The following RBM47 variants were observed in gnomAD, a reference collection of about 807,000 sequenced individuals.
The protein encoded by RBM47 is RNA-binding protein 47.
A neutral mutation model predicts 47.1 loss-of-function variants in RBM47; 21 were observed. The ratio of observed to expected loss-of-function variants is 0.45; its 90% CI spans 0.32 to 0.64. RBM47 has a LOEUF of 0.64. Ranked by LOEUF, RBM47 falls within the 30% of genes least tolerant of loss-of-function variation. The pLI, the probability that RBM47 is intolerant of heterozygous loss-of-function variation, is 0.05. For synonymous variants in RBM47, 375 were observed against 361.7 expected (o/e 1.04, Z -0.42); for missense variants, 708 against 870.9 (o/e 0.81, Z 2.35).
chr4:40,438,647 A>G lies in RBM47; in HGVS notation c.247T>C (p.Tyr83His), dbSNP rs777706425. 3 of 1,612,820 alleles carry G rather than the reference A, an allele frequency of 1.9e-6. No homozygotes were observed. In the Admixed American group the frequency reaches 5.0e-5, roughly 27 times the overall value. ...AACACGGGCACCAGCTCGTCCTCGT[A>G]CACGTCGCGCGGGATCTTGCCCACG... ...VFVGKIPRDVYEDELVPVFEA... is the reference protein window; with the variant it reads ...VFVGKIPRDVHEDELVPVFEA... Residue 83 changes from tyrosine to histidine, a missense_variant, in exon 4 of 7, where the codon TAC becomes CAC. Tyr to His is a moderately conservative substitution (Grantham distance 83). Transcript: ENST00000295971.
intron 2 of RBM47, among the ~76,000 whole-genome samples, chr4:40,487,862 A>C (rs968604541): frequency 6.6e-6 from 1 of 152,176 alleles, no homozygotes; most frequent in African/African-American, 2.4e-5. Flanking sequence ...TTTATATGCT[A>C]ATGAATTTTT....
chr4:40,509,556 G>A (rs1054884930), intron 2 of RBM47, among the ~76,000 whole-genome samples: 3 of 152,140 alleles, frequency 2.0e-5, no homozygotes, highest in Non-Finnish European at 4.4e-5. Flanking sequence ...GGGCAACATA[G>A]TGAGACCCTG....
chr4:40,493,863 C>T (rs556647791), intron 2 of RBM47, among the ~76,000 whole-genome samples: 40 of 151,394 alleles, frequency 2.6e-4, no homozygotes, highest in Non-Finnish European at 3.5e-4. Flanking sequence ...TGCTTGAACC[C>T]GGGAGGCAGA....
Position 40,609,398 on chromosome 4 carries a change from C to T in RBM47, c.-240+19998G>A, listed in dbSNP as rs142657834. Among the ~76,000 whole-genome samples the T allele has an allele frequency of 8.8e-3, 1,342 of 151,644 alleles. 20 individuals carry two copies. The highest frequency in any genetic ancestry group is 0.031 in the African/African-American group (1,274 of 41,334). ...CACAATCTTGGCTCACGGTAACCTC[C>T]GCCTCCCAGGTTCAAGTGATTCTTG... On this transcript the variant is annotated intron_variant, in intron 1 of 6. Transcript: ENST00000295971.
At chr4:40,469,562 T>C (rs1420718064) in intron 2 of RBM47, among the ~76,000 whole-genome samples, 2 of 151,736 alleles carry the variant, frequency 1.3e-5, no homozygotes, top group South Asian at 2.1e-4. Flanking sequence ...GCCTCCTGAG[T>C]AGCTGGGACT....
intron 2 of RBM47, among the ~76,000 whole-genome samples, chr4:40,496,660 C>T (rs189162512): frequency 5.3e-4 from 81 of 152,254 alleles, no homozygotes; most frequent in Non-Finnish European, 7.3e-4. Context: ...TGTGTCAGGC[C>T]GTACTAAGCA....
chr4:40,475,621 G>A lies in RBM47; in HGVS notation c.-154-8922C>T, dbSNP rs181048988. 1.8e-4 allele frequency: 28 copies of A among 152,284 alleles called. No homozygotes were observed. In the East Asian group the frequency reaches 5.2e-3, roughly 28 times the overall value. 9.4% of individuals were successfully genotyped at this position (152,284 alleles called of 1,614,324 possible). On this transcript the variant is annotated intron_variant, in intron 2 of 6. Transcript: ENST00000295971. ...TATGGATCATTTGTTTATCTGGTCT[G>A]ATCTAAATTGCTTTAACCAAACACA...
intron 1 of RBM47, among the ~76,000 whole-genome samples, chr4:40,606,263 T>C (rs1291074279): frequency 6.7e-6 from 1 of 149,692 alleles, no homozygotes; most frequent in Non-Finnish European, 1.5e-5. Context: ...GTAGGTGATA[T>C]ATAGATATGG....
At position 40,492,423 on chromosome 4, in the gene RBM47, T is replaced by C. The variant is rs533905969; in HGVS notation, c.-154-25724A>G. The stretch of plus-strand genomic sequence containing the variant: ...TCACACTTTGCGAGAGTGGGAGAAG[T>C]ATGGCAGATGCTGCCACTTATTACC... On this transcript the variant is annotated intron_variant, in intron 2 of 6. Coordinates refer to ENST00000295971, the MANE Select transcript of RBM47 (RefSeq NM_001098634.2). 1.8e-4 allele frequency among the ~76,000 whole-genome samples: 27 copies of C among 152,176 alleles called. No individual in the cohort carries two copies. In the East Asian group the frequency reaches 4.8e-3, roughly 27 times the overall value.
intron 1 of RBM47, among the ~76,000 whole-genome samples, chr4:40,584,998 A>G (rs912333580): frequency 1.3e-5 from 2 of 152,210 alleles, no homozygotes; most frequent in Admixed American, 1.3e-4. Flanking sequence ...AGGTTCCACT[A>G]AAGTTGCACA....
At chr4:40,574,444 CTT>C (rs1281814464) in intron 1 of RBM47, among the ~76,000 whole-genome samples, 1 of 152,196 alleles carries the variant, frequency 6.6e-6, no homozygotes, top group Non-Finnish European at 1.5e-5. Context: ...CAGAATGACT[CTT>C]TTCAGAACGT....
chr4:40,436,203 C>CAAACAAACA (rs1553877384), intron 5 of RBM47, among the ~76,000 whole-genome samples: 6 of 140,216 alleles, frequency 4.3e-5, no homozygotes, highest in East Asian at 2.1e-4. Context: ...AACAAACAAA[C>CAAACAAACA]AAAAAAAAAC....
At chr4:40,622,500 A>G (rs1737355760) in intron 1 of RBM47, among the ~76,000 whole-genome samples, 1 of 152,216 alleles carries the variant, frequency 6.6e-6, no homozygotes, top group Non-Finnish European at 1.5e-5. Flanking sequence ...GGGACTAGAA[A>G]TAAAGTCATT....
At chr4:40,571,636 G>A (rs1232668428) in intron 1 of RBM47, among the ~76,000 whole-genome samples, 1 of 151,978 alleles carries the variant, frequency 6.6e-6, no homozygotes, top group Non-Finnish European at 1.5e-5. Flanking sequence ...AAACCAGGTG[G>A]GAGGAGGGTG....
intron 2 of RBM47, among the ~76,000 whole-genome samples, chr4:40,526,438 C>CA (rs199736735): frequency 0.017 from 2,633 of 152,212 alleles, 111 homozygotes; most frequent in African/African-American, 0.061. Flanking sequence ...TGGGTCTGTA[C>CA]AAGAAAGTCA....
intron 2 of RBM47, among the ~76,000 whole-genome samples, chr4:40,472,470 G>C (rs760891560): frequency 5.3e-5 from 8 of 150,400 alleles, no homozygotes; most frequent in Non-Finnish European, 8.8e-5. Flanking sequence ...GCTAAGGCAG[G>C]AGAATCACTT....
intron 6 of RBM47, among the ~76,000 whole-genome samples, chr4:40,431,179 C>T (rs1274085682): frequency 6.6e-6 from 1 of 152,178 alleles, no homozygotes; most frequent in Non-Finnish European, 1.5e-5. Flanking sequence ...GATTCACTGC[C>T]TCACAGAAAA....
At chr4:40,562,614 C>T (rs1346119180) in intron 1 of RBM47, among the ~76,000 whole-genome samples, 7 of 151,840 alleles carry the variant, frequency 4.6e-5, no homozygotes, top group African/African-American at 9.7e-5. Flanking sequence ...TACAGGTGCG[C>T]GCCACCACGC....
At chr4:40,495,418 A>G (rs1971282) in intron 2 of RBM47, among the ~76,000 whole-genome samples, 26,072 of 152,004 alleles carry the variant, frequency 0.17, 2,328 homozygotes, top group African/African-American at 0.23. Context: ...CTTGGCCAAC[A>G]TGGTGAAACC....
Sources: allele counts gnomAD v4.1 joint callset (sites outside exome capture counted in the v4.1 genomes callset), GRCh38; gene constraint gnomAD v4.1.1; transcripts MANE v1.5; gene names NCBI Gene and HGNC (gene_info 2026-07-23, HGNC 2026-07-21).